Variants in TENM1 observed in about 807,000 individuals in gnomAD.
The protein encoded by TENM1 is teneurin transmembrane protein 1.
TENM1 carries 35 observed loss-of-function variants against 174.8 expected under a neutral mutation model. The observed-to-expected ratio is 0.20, with a 90% CI of 0.15 to 0.27. The LOEUF is 0.27. TENM1 is among the 10% of genes least tolerant of loss of function. The pLI is 1.00. For missense variants in TENM1, 1,633 were observed against 2,130.1 expected, an observed-to-expected ratio of 0.77 and a Z score of 4.59; for synonymous variants, 781 against 798.7, an observed-to-expected ratio of 0.98 and a Z score of 0.37.
chrX:125,040,172 T>A, the TENM1 span, among the ~76,000 whole-genome samples: 1 of 111,655 alleles, frequency 9.0e-6, no homozygotes, highest in African/African-American at 3.2e-5. Flanking sequence ...TACTAGTATG[T>A]GCTGCATGCA....
chrX:124,409,242 C>T (rs1316300075), intron 25 of TENM1, among the ~76,000 whole-genome samples: 1 of 111,274 alleles, frequency 9.0e-6, no homozygotes, highest in Admixed American at 9.5e-5. Flanking sequence ...GAGGAATTGC[C>T]ACACTGACTT....
rs542708613 is a variant in TENM1 at position 124,879,826 on chromosome X, A to T, written c.535+14470T>A. 2.5e-3 allele frequency among the ~76,000 whole-genome samples: 284 copies of T among 112,000 alleles called. 2 individuals are homozygous for T. The Middle Eastern group carries it at 0.037, about 15-fold the overall frequency. On this transcript the variant is annotated intron_variant, in intron 3 of 31. Transcript: ENST00000422452. ...TAACAGCTGTGATAAGTGGGATAAG[A>T]TTATATTTCATTTTGATTTGTATCT... is the stretch of plus-strand genomic sequence containing the variant.
chrX:124,859,543 C>CAA (rs780835887), intron 3 of TENM1, among the ~76,000 whole-genome samples: 9 of 44,558 alleles, frequency 2.0e-4, no homozygotes, highest in Admixed American at 1.1e-3. Context: ...GACCCTGTCT[C>CAA]AAAAAAAAAA....
chrX:125,101,059 A>C, the TENM1 span, among the ~76,000 whole-genome samples: 1 of 111,515 alleles, frequency 9.0e-6, no homozygotes, highest in Admixed American at 9.6e-5. Context: ...AATCCAGGTA[A>C]TGGTACCTAA....
In TENM1 at chrX:124,386,079, A is replaced by G. The variant is rs1233172309; in HGVS notation, c.5689-15T>C. ...AGCATCACAGACTGAAACGAGACAA[A>G]GGCAGAATAGCATATTATGGACAAC... On this transcript the variant is annotated splice_polypyrimidine_tract_variant and intron_variant, in intron 28 of 31. Coordinates refer to ENST00000422452, the Ensembl canonical transcript of TENM1. 8.5e-7 allele frequency: 1 copy of G among 1,170,454 alleles called. No individual in the cohort carries two copies. The highest frequency in any genetic ancestry group is 3.0e-5 in the East Asian group (1 of 33,314).
the TENM1 span, among the ~76,000 whole-genome samples, chrX:125,097,707 C>T: frequency 1.5e-4 from 17 of 112,130 alleles, no homozygotes; most frequent in Non-Finnish European, 2.3e-4. Context: ...AGAAAACATG[C>T]TTAGCAATGT....
intron 11 of TENM1, among the ~76,000 whole-genome samples, chrX:124,567,268 G>A (rs1417084996): frequency 9.0e-6 from 1 of 111,422 alleles, no homozygotes; most frequent in Non-Finnish European, 1.9e-5. Context: ...TTAAAGGCAT[G>A]GAAATAACTG....
At chrX:124,755,771 A>G (rs1280423962) in intron 3 of TENM1, among the ~76,000 whole-genome samples, 1 of 108,712 alleles carries the variant, frequency 9.2e-6, no homozygotes, top group African/African-American at 3.4e-5. Context: ...TGGATATGAA[A>G]TTCTGGGTTG....
chrX:124,428,738 T>C (rs1240893093), intron 23 of TENM1, among the ~76,000 whole-genome samples: 1 of 111,891 alleles, frequency 8.9e-6, no homozygotes, highest in Non-Finnish European at 1.9e-5. Context: ...ACAGTTTTTA[T>C]AGTCATAGAC....
At position 124,620,905 on chromosome X, in the gene TENM1, C is replaced by T. The variant is rs754108090; in HGVS notation, c.2077+20886G>A. Among the ~76,000 whole-genome samples the T allele has an allele frequency of 2.7e-5, 3 of 111,989 alleles. No individual in the cohort carries two copies. In the South Asian group the frequency reaches 1.1e-3, roughly 42 times the overall value. The stretch of plus-strand genomic sequence containing the variant: ...TGTACAAAATATCACCACTGTGTCA[C>T]TGAAGAATACAGGAGTTACTTAGAA... On this transcript the variant is annotated intron_variant, in intron 11 of 31. Transcript: ENST00000422452.
At chrX:124,815,684 G>C (rs753764926) in intron 3 of TENM1, among the ~76,000 whole-genome samples, 1 of 110,386 alleles carries the variant, frequency 9.1e-6, no homozygotes, top group African/African-American at 3.3e-5. Flanking sequence ...CATTAAAAAA[G>C]AGTACTTTAG....
chrX:124,986,010 G>A, the TENM1 span, among the ~76,000 whole-genome samples: 1 of 111,503 alleles, frequency 9.0e-6, no homozygotes, highest in Non-Finnish European at 1.9e-5. Context: ...TAGAAAGAAT[G>A]GTGTACAAGC....
chrX:124,803,504 T>C (rs745912335), intron 3 of TENM1, among the ~76,000 whole-genome samples: 4 of 112,347 alleles, frequency 3.6e-5, no homozygotes, highest in Non-Finnish European at 5.6e-5. Context: ...GAGAGCTTTC[T>C]ATCCTCTCTA....
At chrX:124,548,401 G>A (rs1393261456) in intron 14 of TENM1, among the ~76,000 whole-genome samples, 1 of 110,931 alleles carries the variant, frequency 9.0e-6, no homozygotes, top group Non-Finnish European at 1.9e-5. Flanking sequence ...CTGTTTTCAA[G>A]AGCTCTGGGC....
chrX:124,583,580 TG>T (rs1179445068), intron 11 of TENM1, among the ~76,000 whole-genome samples: 2 of 109,794 alleles, frequency 1.8e-5, no homozygotes, highest in Non-Finnish European at 3.8e-5. Context: ...ACCACAAAGA[TG>T]GGGAAAAAAC....
chrX:124,702,071 G>GT (rs1166662446), intron 5 of TENM1, among the ~76,000 whole-genome samples: 1 of 111,788 alleles, frequency 8.9e-6, no homozygotes, highest in Non-Finnish European at 1.9e-5. Flanking sequence ...TTTTACTTGG[G>GT]TTATACAGCA....
chrX:124,814,836 G>A (rs931290579), intron 3 of TENM1, among the ~76,000 whole-genome samples: 1 of 111,775 alleles, frequency 8.9e-6, no homozygotes, highest in Non-Finnish European at 1.9e-5. Flanking sequence ...TTATTTAACA[G>A]CCCTTTGGGT....
intron 1 of TENM1, among the ~76,000 whole-genome samples, chrX:124,937,373 G>C (rs1375601654): frequency 9.0e-6 from 1 of 111,050 alleles, no homozygotes; most frequent in East Asian, 2.9e-4. Flanking sequence ...TAGAGGATAG[G>C]GTCCATAAAT....
chrX:125,197,565 G>A, the TENM1 span, among the ~76,000 whole-genome samples: 5 of 111,345 alleles, frequency 4.5e-5, no homozygotes, highest in South Asian at 1.5e-3. Context: ...TACAAGTTCC[G>A]TGATAATTGT....
Sources: gnomAD v4.1 joint callset for allele counts (sites outside exome capture counted in the v4.1 genomes callset) on GRCh38, gnomAD v4.1.1 for gene constraint, MANE v1.5 for transcripts, NCBI Gene and HGNC (gene_info 2026-07-23, HGNC 2026-07-21) for gene names.